AP3B2: variants seen among roughly 807,000 people sequenced by gnomAD.
AP3B2 encodes adaptor related protein complex 3 subunit beta 2.
Under a neutral mutation model 126.9 loss-of-function variants are expected in AP3B2, and 50 were observed. The ratio of observed to expected loss-of-function variants is 0.39; its 90% CI spans 0.31 to 0.50. The LOEUF (loss-of-function observed/expected upper bound fraction) is 0.50, where lower values mean the gene tolerates loss of function less well. AP3B2 is among the 20% of genes least tolerant of loss of function. AP3B2 has a pLI of 0.79. For missense variants in AP3B2, 1,177 were observed against 1,426.4 expected (o/e 0.83, Z 2.82); for synonymous variants, 541 against 565.0 (o/e 0.96, Z 0.60).
intron 25 of AP3B2, among the ~76,000 whole-genome samples, chr15:82,660,656 CTT>C (rs893963149): frequency 3.3e-5 from 5 of 152,216 alleles, no homozygotes; most frequent in African/African-American, 1.2e-4. Context: ...TCTTCAGCCT[CTT>C]TCCTCCCTCC....
intron 1 of AP3B2, among the ~76,000 whole-genome samples, chr15:82,705,975 C>T (rs1047841403): frequency 6.6e-6 from 1 of 152,192 alleles, no homozygotes; most frequent in African/African-American, 2.4e-5. Context: ...TTCATCCCAA[C>T]CCTTTTTCAT....
At position 82,663,002 on chromosome 15, in the gene AP3B2, AGCAGCT is replaced by A. The variant is rs1346646538; in HGVS notation, c.2605-86_2605-81del. The A allele has an allele frequency of 2.0e-6, 3 of 1,523,798 alleles. No homozygotes were observed. The East Asian group carries it at 7.2e-5, about 36-fold the overall frequency. 94.4% of individuals were successfully genotyped at this position (1,523,798 alleles called of 1,614,324 possible). ...CCAGCATTGTCCCCTAGGGCCATCC[AGCAGCT>A]GGGACTCAAAGCTATCACATCCTCC... On this transcript the variant is annotated intron_variant, in intron 22 of 26. Coordinates refer to ENST00000535359, the MANE Select transcript of AP3B2 (RefSeq NM_001278512.2).
Position 82,681,708 on chromosome 15 carries a change from CTGGA to C in AP3B2, c.361-132_361-129del, listed in dbSNP as rs968819976. ...TGCTTCCCTGCCGCTTGACTGGAGCCTGGATGGTGTGCCAGTGATGGGTATCTGG... is the reference window on the plus strand; with the variant it reads ...TGCTTCCCTGCCGCTTGACTGGAGCCTGGTGTGCCAGTGATGGGTATCTGG... On this transcript the variant is annotated intron_variant, in intron 4 of 26. Coordinates refer to ENST00000535359, the MANE Select transcript of AP3B2 (RefSeq NM_001278512.2). This position sits in a 1 kb window ranked among gnomAD's most constrained non-coding sequence, Gnocchi z 4.0. The C allele has an allele frequency of 4.7e-6, 5 of 1,067,330 alleles. No individual in the cohort carries two copies. The African/African-American group carries it at 8.0e-5, about 17-fold the overall frequency. 66.1% of individuals were successfully genotyped at this position (1,067,330 alleles called of 1,614,324 possible).
Position 82,681,080 on chromosome 15 carries a change from C to T in AP3B2, c.588+32G>A, listed in dbSNP as rs746260789. ...AGGGTGGAAGGCCGGCTGCCGGTCA[C>T]CACCCCTCCCGGAGCGCCCCTATAC... is the stretch of plus-strand genomic sequence containing the variant. On this transcript the variant is annotated intron_variant, in intron 6 of 26. Coordinates refer to ENST00000535359, the MANE Select transcript of AP3B2 (RefSeq NM_001278512.2). The surrounding 1 kb of genome is among the most constrained non-coding windows in gnomAD (Gnocchi z 4.0). 2 of 1,613,446 alleles carry T rather than the reference C, an allele frequency of 1.2e-6. No individual in the cohort carries two copies. Among genetic ancestry groups the T allele is most frequent in the African/African-American group, 1.3e-5 (1 of 74,932 alleles).
rs1404400383 is a variant in AP3B2, at chr15:82,681,728, G to A, written c.361-148C>T. 3 of 821,760 alleles carry A rather than the reference G, an allele frequency of 3.7e-6. No homozygotes were observed. Among genetic ancestry groups the A allele is most frequent in the East Asian group, 5.4e-5 (2 of 37,184 alleles). The allele number at this position is 821,760 out of a possible 1,614,324, so 50.9% of individuals were successfully genotyped here. ...GGAGCCTGGATGGTGTGCCAGTGAT[G>A]GGTATCTGGGGGACACTTAATTTTG... On this transcript the variant is annotated intron_variant, in intron 4 of 26. Transcript: ENST00000535359. The surrounding 1 kb of genome is among the most constrained non-coding windows in gnomAD (Gnocchi z 4.0).
chr15:82,670,216 TCTC>T (rs750676409), intron 14 of AP3B2, among the ~76,000 whole-genome samples: 1 of 144,328 alleles, frequency 6.9e-6, no homozygotes, highest in Admixed American at 7.1e-5. Flanking sequence ...TTCAAGCAAT[TCTC>T]CTGCCTCAGC....
chr15:82,676,099 G>T (rs1484834412), intron 14 of AP3B2, among the ~76,000 whole-genome samples: 1 of 152,178 alleles, frequency 6.6e-6, no homozygotes, highest in Non-Finnish European at 1.5e-5. Context: ...AAGAAGCACA[G>T]ACCACATCTG....
At chr15:82,688,495 G>T (rs1022474219) in intron 4 of AP3B2, 1 of 702,458 alleles carries the variant, frequency 1.4e-6, no homozygotes, top group Non-Finnish European at 2.6e-6. Context: ...ATTACCACAG[G>T]CTCCTGGGAA....
At chr15:82,687,361 C>T (rs2048446749) in intron 4 of AP3B2, 1 of 152,216 alleles carries the variant, frequency 6.6e-6, no homozygotes, top group African/African-American at 2.4e-5. Flanking sequence ...CTATTTGGCA[C>T]TTTGCAGAAA....
At chr15:82,663,010 G>T in intron 22 of AP3B2, 88 bp from the exon 23 acceptor site, 1 of 1,511,840 alleles carries the variant, frequency 6.6e-7, no homozygotes, top group Non-Finnish European at 9.0e-7. Flanking sequence ...CCAGCAGCTG[G>T]GACTCAAAGC....
intron 4 of AP3B2, among the ~76,000 whole-genome samples, chr15:82,682,215 C>A (rs1405031149): frequency 6.6e-6 from 1 of 151,838 alleles, no homozygotes; most frequent in African/African-American, 2.4e-5. Context: ...CCACACCCAG[C>A]TAATTTTTTG....
chr15:82,679,916 C>T (rs1275013514), intron 9 of AP3B2, 116 bp from the exon 10 acceptor site: 2 of 979,706 alleles, frequency 2.0e-6, no homozygotes, highest in African/African-American at 3.2e-5. Flanking sequence ...CTCACCACTG[C>T]CCTCCACTCC....
At chr15:82,668,662 A>G (rs192570377) in intron 14 of AP3B2, among the ~76,000 whole-genome samples, 1 of 152,288 alleles carries the variant, frequency 6.6e-6, no homozygotes, top group Admixed American at 6.5e-5. Flanking sequence ...ATTTGCCTAT[A>G]ATAATTCATT....
chr15:82,659,532 G>T lies in AP3B2; in HGVS notation c.*28C>A. 6.2e-7 allele frequency: 1 copy of T among 1,611,332 alleles called. No homozygotes were observed. Among genetic ancestry groups the T allele is most frequent in the South Asian group, 1.1e-5 (1 of 90,958 alleles). ...AGGTGTCATGGGGAGGTATAGATGG[G>T]AGCCAAACAGGTCACAGCATTTGGA... On this transcript the variant is annotated 3_prime_UTR_variant, in exon 27 of 27. Coordinates refer to ENST00000535359, the MANE Select transcript of AP3B2 (RefSeq NM_001278512.2).
In AP3B2 at chr15:82,680,043, C is replaced by G. The variant is rs1181234474; in HGVS notation, c.1110+132G>C. The G allele has an allele frequency of 9.9e-6, 13 of 1,318,748 alleles. No individual in the cohort carries two copies. In the East Asian group the frequency reaches 2.7e-4, roughly 28 times the overall value. The allele number at this position is 1,318,748 out of a possible 1,614,324, so 81.7% of individuals were successfully genotyped here. ...TATCTGTATTTGGAGCCTCCCCTGC[C>G]CCATCCTCTGCACAGCCAGGGTATT... On this transcript the variant is annotated intron_variant, in intron 9 of 26. Coordinates refer to ENST00000535359, the MANE Select transcript of AP3B2 (RefSeq NM_001278512.2). This position sits in a 1 kb window ranked among gnomAD's most constrained non-coding sequence, Gnocchi z 6.1.
rs926822083 is a variant in AP3B2, at chr15:82,688,733, G to A, written c.360+3C>T. On this transcript the variant is annotated splice_donor_region_variant and intron_variant, in intron 4 of 26. Coordinates refer to ENST00000535359, the MANE Select transcript of AP3B2 (RefSeq NM_001278512.2). ...CCCTGGGAGGCAAACTGAGACCCCT[G>A]ACCTTTAGGCCACGTTGGAAGGTGG... is the stretch of plus-strand genomic sequence containing the variant. The A allele has an allele frequency of 1.2e-6, 2 of 1,609,424 alleles. No individual in the cohort carries two copies. Among genetic ancestry groups the A allele is most frequent in the African/African-American group, 1.3e-5 (1 of 74,830 alleles).
rs1157264350 is a variant in AP3B2, at chr15:82,664,743, GAC to G, written c.2137+90_2137+91del. ...ATTCACAAGCAGGTGCACACCCCTA[GAC>G]ACACAACCATATACATATACCCCTC... On this transcript the variant is annotated intron_variant, in intron 18 of 26. Coordinates refer to ENST00000535359, the MANE Select transcript of AP3B2 (RefSeq NM_001278512.2). The surrounding 1 kb of genome is among the most constrained non-coding windows in gnomAD (Gnocchi z 4.5). 2.8e-6 allele frequency: 3 copies of G among 1,080,370 alleles called. No homozygotes were observed. The highest frequency in any genetic ancestry group is 1.6e-5 in the African/African-American group (1 of 63,760). 66.9% of individuals were successfully genotyped at this position (1,080,370 alleles called of 1,614,324 possible).
chr15:82,663,362 C>A, intron 21 of AP3B2, 129 bp from the exon 22 acceptor site: 1 of 979,368 alleles, frequency 1.0e-6, no homozygotes, highest in Non-Finnish European at 1.6e-6. Context: ...TGGAGGCTCT[C>A]GCAAAATACC....
In AP3B2 at chr15:82,689,365, C is replaced by A. The variant is rs766409329; in HGVS notation, c.189+13G>T. On this transcript the variant is annotated intron_variant, in intron 2 of 26. Coordinates refer to ENST00000535359, the MANE Select transcript of AP3B2 (RefSeq NM_001278512.2). ...GCCCCGCCCGGAGGGAGGCCTCCTC[C>A]TTCCCCTCTTACCGCCACAATCCTC... 1.2e-6 allele frequency: 2 copies of A among 1,613,750 alleles called. No homozygotes were observed. The highest frequency in any genetic ancestry group is 2.2e-5 in the South Asian group (2 of 91,028).
Sources: allele counts gnomAD v4.1 joint callset (sites outside exome capture counted in the v4.1 genomes callset), GRCh38; gene constraint gnomAD v4.1.1; non-coding constraint Gnocchi (gnomAD v3.1); transcripts MANE v1.5; gene names NCBI Gene and HGNC (gene_info 2026-07-23, HGNC 2026-07-21).